The following RAPGEF1 variants were observed in gnomAD, a reference collection of about 807,000 sequenced individuals.
The protein encoded by RAPGEF1 is CRK SH3-binding GNRP.
A neutral mutation model predicts 143.3 loss-of-function variants in RAPGEF1; 33 were observed. That is an observed-to-expected ratio of 0.23 (90% CI 0.17 to 0.31). The LOEUF (loss-of-function observed/expected upper bound fraction) is 0.31, where lower values mean the gene tolerates loss of function less well. RAPGEF1 is among the 10% of genes least tolerant of loss of function. The pLI, the probability that RAPGEF1 is intolerant of heterozygous loss-of-function variation, is 1.00. For missense variants in RAPGEF1, 1,199 were observed against 1,645.4 expected, an observed-to-expected ratio of 0.73 and a Z score of 4.69; for synonymous variants, 629 against 676.5, an observed-to-expected ratio of 0.93 and a Z score of 1.09.
chr9:131,612,356 C>T (rs576732782), intron 12 of RAPGEF1, among the ~76,000 whole-genome samples: 4 of 152,276 alleles, frequency 2.6e-5, no homozygotes, highest in Admixed American at 2.6e-4. Flanking sequence ...CAAGGGGCAC[C>T]GATCAGCCAA....
rs1157400229 is a variant in RAPGEF1, at chr9:131,739,986, AGCCGCTCCC to A, written c.-165_-157del. On this transcript the variant is annotated 5_prime_UTR_variant, in exon 1 of 27. Transcript: ENST00000683357. ...ACCGCGCTCCAGCCCGCCCGGGCCCAGCCGCTCCCGCCGCGCCCGCCGCCGCCGCTCCGC... is the reference window on the plus strand; with the variant it reads ...ACCGCGCTCCAGCCCGCCCGGGCCCAGCCGCGCCCGCCGCCGCCGCTCCGC... 1.3e-5 allele frequency: 3 copies of A among 224,120 alleles called. No individual in the cohort carries two copies. The highest frequency in any genetic ancestry group is 2.4e-5 in the African/African-American group (1 of 41,210). The allele number at this position is 224,120 out of a possible 1,614,324, so 13.9% of individuals were successfully genotyped here.
At chr9:131,614,565 C>G (rs144513852) in intron 12 of RAPGEF1, among the ~76,000 whole-genome samples, 3 of 152,186 alleles carry the variant, frequency 2.0e-5, no homozygotes, top group Admixed American at 1.3e-4. Context: ...GAGTGAGAGG[C>G]AGATGAATGG....
intron 1 of RAPGEF1, among the ~76,000 whole-genome samples, chr9:131,714,911 T>C (rs989833342): frequency 6.6e-6 from 1 of 152,038 alleles, no homozygotes; most frequent in Non-Finnish European, 1.5e-5. Flanking sequence ...AGCATCTTGC[T>C]TGGTTGCCAG....
intron 3 of RAPGEF1, among the ~76,000 whole-genome samples, chr9:131,648,810 A>G (rs961572811): frequency 1.3e-5 from 2 of 152,232 alleles, no homozygotes; most frequent in Non-Finnish European, 2.9e-5. Flanking sequence ...CTTTTAACTA[A>G]AATTTTAAGA....
At chr9:131,614,716 C>CTG (rs1261894484) in intron 12 of RAPGEF1, among the ~76,000 whole-genome samples, 1 of 152,276 alleles carries the variant, frequency 6.6e-6, no homozygotes, top group Non-Finnish European at 1.5e-5. Flanking sequence ...GCACAGAAAC[C>CTG]TGGGCCCATC....
chr9:131,722,664 A>C (rs1836352824), intron 1 of RAPGEF1, among the ~76,000 whole-genome samples: 1 of 152,198 alleles, frequency 6.6e-6, no homozygotes, highest in African/African-American at 2.4e-5. Context: ...CAGGTCCAAG[A>C]TGACTGGGTC....
chr9:131,736,045 T>C (rs750122008), intron 1 of RAPGEF1, among the ~76,000 whole-genome samples: 2 of 152,172 alleles, frequency 1.3e-5, no homozygotes, highest in Admixed American at 6.5e-5. Flanking sequence ...TTGGAAGATA[T>C]ATGAGCAAAA....
chr9:131,643,109 G>T, intron 4 of RAPGEF1, 130 bp downstream of exon 4: 1 of 1,039,882 alleles, frequency 9.6e-7, no homozygotes, highest in African/African-American at 1.6e-5. Context: ...GTGGTCAGGG[G>T]AAGGATGAGG....
chr9:131,724,083 CAG>C (rs1228990397), intron 1 of RAPGEF1, among the ~76,000 whole-genome samples: 1 of 152,194 alleles, frequency 6.6e-6, no homozygotes, highest in African/African-American at 2.4e-5. Context: ...GTGAAAAACA[CAG>C]GTTTCATAAA....
At chr9:131,586,190 C>T (rs1315165469) in intron 22 of RAPGEF1, among the ~76,000 whole-genome samples, 3 of 149,108 alleles carry the variant, frequency 2.0e-5, no homozygotes, top group African/African-American at 7.5e-5. Context: ...AGCCAGACTC[C>T]GTCTCAAACA....
At chr9:131,706,284 C>T (rs759494671) in intron 1 of RAPGEF1, among the ~76,000 whole-genome samples, 32 of 151,422 alleles carry the variant, frequency 2.1e-4, no homozygotes, top group South Asian at 1.0e-3. Flanking sequence ...TTTTTTGAAA[C>T]AGGGGTTTTG....
At chr9:131,735,392 A>G (rs556021477) in intron 1 of RAPGEF1, among the ~76,000 whole-genome samples, 2 of 152,332 alleles carry the variant, frequency 1.3e-5, no homozygotes, top group African/African-American at 4.8e-5. Context: ...ACAGGAGCAC[A>G]GGAGTTTCCT....
intron 1 of RAPGEF1, among the ~76,000 whole-genome samples, chr9:131,668,668 T>C (rs1164403861): frequency 6.6e-6 from 1 of 152,216 alleles, no homozygotes; most frequent in Non-Finnish European, 1.5e-5. Context: ...GAAGCGTTTC[T>C]TTTCCATTAC....
chr9:131,579,501 G>A lies in RAPGEF1; in HGVS notation c.3788C>T (p.Thr1263Ile). ...TRRKTDREEKT is the reference protein window; with the variant it reads ...TRRKTDREEKI ...CCTGGATCCCGGCGTCTGCTCCTAG[G>A]TCTTCTCTTCCCGGTCTGTTTTTCT... The change falls in exon 27 of 27, where the codon ACC (threonine) becomes ATC (isoleucine). Residue 1263 changes from threonine (T) to isoleucine (I), a missense_variant. Coordinates refer to ENST00000683357, the MANE Select transcript of RAPGEF1 (RefSeq NM_001377935.1). 3 of 1,613,886 alleles carry A rather than the reference G, an allele frequency of 1.9e-6. No homozygotes were observed. Among genetic ancestry groups the A allele is most frequent in the Non-Finnish European group, 2.5e-6 (3 of 1,179,822 alleles).
intron 1 of RAPGEF1, among the ~76,000 whole-genome samples, chr9:131,680,315 A>G (rs1832795390): frequency 6.6e-6 from 1 of 152,236 alleles, no homozygotes; most frequent in South Asian, 2.1e-4. Context: ...CACATTATTA[A>G]GCCTGGCTCT....
At position 131,638,659 on chromosome 9, in the gene RAPGEF1, G is replaced by A; in HGVS notation, c.627C>T (p.Ile209=). ...KEMVTTVKGV[I]KAVLDGVKEL... is the part of the protein sequence containing the mutation. ...CCTTCACTCCATCCAGCACAGCCTT[G>A]ATGACCCCCTTCACAGTCGTCACCA... Residue 209 remains isoleucine (I), a synonymous_variant, in exon 5 of 27, where the codon ATC becomes ATT. Coordinates refer to ENST00000683357, the MANE Select transcript of RAPGEF1 (RefSeq NM_001377935.1). 6.2e-7 allele frequency: 1 copy of A among 1,614,020 alleles called. No homozygotes were observed. Among genetic ancestry groups the A allele is most frequent in the Non-Finnish European group, 8.5e-7 (1 of 1,179,896 alleles).
At chr9:131,601,696 A>G (rs1402327188) in intron 15 of RAPGEF1, among the ~76,000 whole-genome samples, 1 of 151,944 alleles carries the variant, frequency 6.6e-6, no homozygotes, top group Non-Finnish European at 1.5e-5. Context: ...GCTTGAAGCC[A>G]GGAGTTAGTG....
At chr9:131,612,946 G>C (rs934544325) in intron 12 of RAPGEF1, among the ~76,000 whole-genome samples, 5 of 152,322 alleles carry the variant, frequency 3.3e-5, no homozygotes, top group African/African-American at 9.6e-5. Context: ...TGTTACATGG[G>C]AGCTAGAGGC....
intron 1 of RAPGEF1, among the ~76,000 whole-genome samples, chr9:131,685,104 C>A (rs1833229807): frequency 6.6e-6 from 1 of 152,166 alleles, no homozygotes; most frequent in Admixed American, 6.6e-5. Context: ...ATTATACTTA[C>A]TGGACATATT....
Sources: allele counts gnomAD v4.1 joint callset (sites outside exome capture counted in the v4.1 genomes callset), GRCh38; gene constraint gnomAD v4.1.1; transcripts MANE v1.5; gene names NCBI Gene and HGNC (gene_info 2026-07-23, HGNC 2026-07-21).